IQCM: variants seen among roughly 807,000 people sequenced by gnomAD.
The protein encoded by IQCM is IQ domain-containing protein M.
IQCM carries 45 observed loss-of-function variants against 57.6 expected under a neutral mutation model. The ratio of observed to expected loss-of-function variants is 0.78; its 90% CI spans 0.62 to 1.00. The LOEUF is 1.00. IQCM is among the 50% of genes least tolerant of loss of function. The pLI is 0.00. For synonymous variants in IQCM, 148 were observed against 158.9 expected (o/e 0.93, Z 0.51); for missense variants, 468 against 511.6 (o/e 0.91, Z 0.82).
chr4:149,517,114 GAAAAAAAAA>G (rs34555374), intron 12 of IQCM, among the ~76,000 whole-genome samples: 2 of 83,906 alleles, frequency 2.4e-5, no homozygotes, highest in Non-Finnish European at 4.3e-5. Flanking sequence ...ACTCCACCAG[GAAAAAAAAA>G]AAAAAAAAAA....
chr4:149,542,171 T>C (rs577628888), intron 12 of IQCM, among the ~76,000 whole-genome samples: 1 of 152,202 alleles, frequency 6.6e-6, no homozygotes, highest in Admixed American at 6.5e-5. Flanking sequence ...TAGACATATA[T>C]TTAAAATTAC....
rs533626497 is a variant in IQCM, at chr4:149,409,050, T to G, written c.1390+24346A>C. Among the ~76,000 whole-genome samples the G allele has an allele frequency of 2.0e-5, 3 of 152,226 alleles. No individual in the cohort carries two copies. The South Asian group carries it at 6.2e-4, about 32-fold the overall frequency. On this transcript the variant is annotated intron_variant, in intron 13 of 13. Transcript: ENST00000636793. The stretch of plus-strand genomic sequence containing the variant: ...AATGATCAACAACTCTCCATAACAC[T>G]CTTGAAGATGGTGGAAATACTGCCC...
chr4:149,773,154 A>G (rs2149992238), intron 2 of IQCM, among the ~76,000 whole-genome samples: 1 of 152,300 alleles, frequency 6.6e-6, no homozygotes, highest in South Asian at 2.1e-4. Context: ...GATCCAGACC[A>G]TCCTGGCTAA....
At chr4:149,423,764 G>A (rs1280410534) in intron 13 of IQCM, among the ~76,000 whole-genome samples, 1 of 151,936 alleles carries the variant, frequency 6.6e-6, no homozygotes, top group Non-Finnish European at 1.5e-5. Flanking sequence ...TCCTCCTCAT[G>A]TCTATCATAG....
intron 5 of IQCM, among the ~76,000 whole-genome samples, chr4:149,715,921 C>T (rs902909523): frequency 2.0e-5 from 3 of 152,184 alleles, no homozygotes; most frequent in African/African-American, 7.2e-5. Context: ...TGTCCTCTGT[C>T]CAAGTCTGGC....
At chr4:149,515,958 A>AC (rs1385826370) in intron 12 of IQCM, among the ~76,000 whole-genome samples, 1 of 152,110 alleles carries the variant, frequency 6.6e-6, no homozygotes, top group African/African-American at 2.4e-5. Context: ...GGTTAGGTTG[A>AC]CCCATTCTGT....
At chr4:149,743,010 T>C (rs1441907684) in intron 2 of IQCM, among the ~76,000 whole-genome samples, 1 of 152,150 alleles carries the variant, frequency 6.6e-6, no homozygotes, top group Non-Finnish European at 1.5e-5. Flanking sequence ...ATTTGGCAGA[T>C]GTGGAAATTG....
intron 13 of IQCM, among the ~76,000 whole-genome samples, chr4:149,354,072 A>G (rs1728755220): frequency 6.6e-6 from 1 of 152,134 alleles, no homozygotes; most frequent in Non-Finnish European, 1.5e-5. Flanking sequence ...ATTTTTTAAA[A>G]CTGACAAATT....
chr4:149,381,681 C>T (rs1949025589), intron 13 of IQCM, among the ~76,000 whole-genome samples: 2 of 151,968 alleles, frequency 1.3e-5, no homozygotes, highest in Non-Finnish European at 2.9e-5. Context: ...ATCACCTACC[C>T]CTAGGATGCC....
chr4:149,573,397 C>T (rs1287408951), intron 9 of IQCM, among the ~76,000 whole-genome samples: 1 of 151,716 alleles, frequency 6.6e-6, no homozygotes, highest in Non-Finnish European at 1.5e-5. Flanking sequence ...TTCATTGACT[C>T]CTTCAGTAAA....
Position 149,429,012 on chromosome 4 carries a change from T to C in IQCM, c.1390+4384A>G, listed in dbSNP as rs1037447141. Among the ~76,000 whole-genome samples the C allele has an allele frequency of 2.6e-4, 39 of 151,896 alleles. 1 individual carries two copies. Among genetic ancestry groups the C allele is most frequent in the Admixed American group, 2.2e-3 (33 of 15,208 alleles). ...ATGGACCATTGCTTTGGGAAAGTAA[T>C]TTGATCATTCATTTGTATTCCCTAA... On this transcript the variant is annotated intron_variant, in intron 13 of 13. Coordinates refer to ENST00000636793, the MANE Select transcript of IQCM (RefSeq NM_001363507.2).
intron 7 of IQCM, among the ~76,000 whole-genome samples, chr4:149,634,644 C>T (rs1394785167): frequency 6.6e-6 from 1 of 152,098 alleles, no homozygotes; most frequent in Non-Finnish European, 1.5e-5. Context: ...ATAACAAAAG[C>T]CTTTAACCTT....
chr4:149,558,043 G>A (rs1749756217), intron 10 of IQCM, among the ~76,000 whole-genome samples: 1 of 152,138 alleles, frequency 6.6e-6, no homozygotes. Flanking sequence ...TCCTTGTACT[G>A]CCTTTCAAGT....
At chr4:149,514,046 T>C (rs1185914796) in intron 12 of IQCM, among the ~76,000 whole-genome samples, 5 of 152,142 alleles carry the variant, frequency 3.3e-5, no homozygotes, top group Admixed American at 1.3e-4. Flanking sequence ...ATATATCTTA[T>C]ACTTTTTGTT....
At chr4:149,781,323 T>C (rs986056827) in intron 2 of IQCM, among the ~76,000 whole-genome samples, 4 of 152,218 alleles carry the variant, frequency 2.6e-5, no homozygotes, top group Non-Finnish European at 4.4e-5. Flanking sequence ...TTAAATTGCA[T>C]GCTGTTTTGA....
At chr4:149,588,478 G>C (rs569982280) in intron 8 of IQCM, among the ~76,000 whole-genome samples, 3 of 151,796 alleles carry the variant, frequency 2.0e-5, no homozygotes, top group Admixed American at 2.0e-4. Context: ...ACTGAACTGT[G>C]CTTCCCCTAA....
At chr4:149,355,159 T>C (rs1267430400) in intron 13 of IQCM, among the ~76,000 whole-genome samples, 1 of 152,178 alleles carries the variant, frequency 6.6e-6, no homozygotes, top group Non-Finnish European at 1.5e-5. Context: ...TTCATAAACA[T>C]TTAAAGAATA....
intron 8 of IQCM, among the ~76,000 whole-genome samples, chr4:149,601,529 G>A (rs938166422): frequency 1.3e-5 from 2 of 152,004 alleles, no homozygotes; most frequent in African/African-American, 2.4e-5. Flanking sequence ...GGATAAGGAC[G>A]ACCAACTGTT....
At chr4:149,643,174 T>C (rs1435112967) in intron 7 of IQCM, among the ~76,000 whole-genome samples, 1 of 152,212 alleles carries the variant, frequency 6.6e-6, no homozygotes, top group Non-Finnish European at 1.5e-5. Flanking sequence ...GTATTTCAGT[T>C]TAACACATGG....
Sources: allele counts gnomAD v4.1 joint callset (sites outside exome capture counted in the v4.1 genomes callset), GRCh38; gene constraint gnomAD v4.1.1; transcripts MANE v1.5; gene names NCBI Gene and HGNC (gene_info 2026-07-23, HGNC 2026-07-21).